C1orf185: variants seen among roughly 807,000 people sequenced by gnomAD.
The protein encoded by C1orf185 is uncharacterized protein C1orf185.
A neutral mutation model predicts 16.1 loss-of-function variants in C1orf185; 13 were observed. That is an observed-to-expected ratio of 0.81 (90% confidence interval 0.53 to 1.28). The LOEUF (loss-of-function observed/expected upper bound fraction) is 1.28, where lower values mean the gene tolerates loss of function less well. Among genes scored for constraint, C1orf185 ranks in the 50% most tolerant of loss-of-function variants. C1orf185 has a pLI of 0.00. For synonymous variants in C1orf185, 80 were observed against 76.9 expected (o/e 1.04, Z -0.21); for missense variants, 220 against 225.2 (o/e 0.98, Z 0.15).
intron 2 of C1orf185, among the ~76,000 whole-genome samples, chr1:51,117,251 T>A (rs1646164579): frequency 6.6e-6 from 1 of 152,222 alleles, no homozygotes; most frequent in Non-Finnish European, 1.5e-5. Flanking sequence ...TAACATAATA[T>A]GATCTCTTGA....
At chr1:51,121,923 G>A (rs930661878) in intron 3 of C1orf185, among the ~76,000 whole-genome samples, 5 of 151,972 alleles carry the variant, frequency 3.3e-5, no homozygotes, top group Non-Finnish European at 5.9e-5. Flanking sequence ...CTCCACTAAA[G>A]GAACCACTAT....
chr1:51,104,226 T>A (rs1646053627), intron 1 of C1orf185, among the ~76,000 whole-genome samples: 2 of 152,160 alleles, frequency 1.3e-5, no homozygotes, highest in Non-Finnish European at 1.5e-5. Flanking sequence ...AACCTAAGAA[T>A]GAAATCTGGC....
chr1:51,114,833 G>C (rs1477954603), intron 2 of C1orf185, among the ~76,000 whole-genome samples: 1 of 152,170 alleles, frequency 6.6e-6, no homozygotes. Context: ...GAAATGTACA[G>C]CTATCAGTTT....
chr1:51,124,131 G>A (rs1570304745), intron 3 of C1orf185, among the ~76,000 whole-genome samples: 1 of 149,426 alleles, frequency 6.7e-6, no homozygotes, highest in South Asian at 2.1e-4. Flanking sequence ...GCCCAGGCTG[G>A]AGTGCAGTGG....
chr1:51,122,097 C>G (rs1175446164), intron 3 of C1orf185, among the ~76,000 whole-genome samples: 1 of 152,072 alleles, frequency 6.6e-6, no homozygotes, highest in Non-Finnish European at 1.5e-5. Flanking sequence ...ATGTATGTAG[C>G]CATAGTTCAT....
At chr1:51,152,256 G>C (rs778368971), downstream of C1orf185, among the ~76,000 whole-genome samples, 61 of 152,190 alleles carry the variant, frequency 4.0e-4, no homozygotes, top group Non-Finnish European at 8.4e-4. Flanking sequence ...GGACAAACCA[G>C]AATCCACTGG....
At chr1:51,150,148 A>G (rs1646423644), downstream of C1orf185, among the ~76,000 whole-genome samples, 1 of 152,006 alleles carries the variant, frequency 6.6e-6, no homozygotes, top group Non-Finnish European at 1.5e-5. Context: ...ATTTATGCAT[A>G]TAAAGTAATT....
At position 51,135,416 on chromosome 1, in the gene C1orf185, G is replaced by C. The variant is rs569672475; in HGVS notation, c.259-10308G>C. Among the ~76,000 whole-genome samples, 262 of 152,272 alleles carry C rather than the reference G, an allele frequency of 1.7e-3. 1 individual carries two copies. Among genetic ancestry groups the C allele is most frequent in the African/African-American group, 6.1e-3 (253 of 41,556 alleles). On this transcript the variant is annotated intron_variant, in intron 3 of 4. Transcript: ENST00000371759. ...TAGCCGGGCGTGGTGGCACATGCCT[G>C]TAGTCCCAGCTACTCGGGAGGCTGA...
intron 4 of C1orf185, among the ~76,000 whole-genome samples, chr1:51,146,063 T>G (rs1302991377): frequency 6.6e-6 from 1 of 152,250 alleles, no homozygotes. Flanking sequence ...ATATTACATC[T>G]TAGTACCTCA....
intron 4 of C1orf185, 30 bp from the exon 5 acceptor site, chr1:51,147,437 A>T: frequency 4.1e-6 from 6 of 1,455,358 alleles, no homozygotes; most frequent in Non-Finnish European, 4.6e-6. Context: ...TTGTGAATAT[A>T]TAATATTCAT....
At chr1:51,123,827 T>A (rs780606306) in intron 3 of C1orf185, among the ~76,000 whole-genome samples, 1 of 152,154 alleles carries the variant, frequency 6.6e-6, no homozygotes, top group Non-Finnish European at 1.5e-5. Flanking sequence ...GTTCGATCTT[T>A]CATTCATTTT....
At chr1:51,105,629 A>G (rs924223176) in intron 1 of C1orf185, among the ~76,000 whole-genome samples, 1 of 152,214 alleles carries the variant, frequency 6.6e-6, no homozygotes, top group Admixed American at 6.5e-5. Flanking sequence ...GACAGACAAC[A>G]GACAATAAAC....
intron 2 of C1orf185, among the ~76,000 whole-genome samples, chr1:51,118,264 A>T (rs749333804): frequency 2.9e-4 from 44 of 152,228 alleles, no homozygotes; most frequent in Non-Finnish European, 4.9e-4. Flanking sequence ...AAAATTGACC[A>T]ATGAGTTGCA....
intron 1 of C1orf185, among the ~76,000 whole-genome samples, chr1:51,107,573 C>CTT (rs200493028): frequency 6.6e-6 from 1 of 151,926 alleles, no homozygotes; most frequent in Non-Finnish European, 1.5e-5. Context: ...ATAGAACTTG[C>CTT]TTTTTTTGTA....
At position 51,110,615 on chromosome 1, in the gene C1orf185, C is replaced by T. The variant is rs1017579691; in HGVS notation, c.17-1849C>T. ...AATTAGTTTTATACTCAATCTTTTC[C>T]CAAAATAATATACTCCTCAGTTGTC... is the stretch of plus-strand genomic sequence containing the variant. On this transcript the variant is annotated intron_variant, in intron 1 of 4. Coordinates refer to ENST00000371759, the MANE Select transcript of C1orf185 (RefSeq NM_001136508.2). Among the ~76,000 whole-genome samples, 12 of 152,018 alleles carry T rather than the reference C, an allele frequency of 7.9e-5. No individual in the cohort carries two copies. The East Asian group carries it at 2.3e-3, about 29-fold the overall frequency.
intron 1 of C1orf185, 21 bp from the exon 2 acceptor site, chr1:51,112,442 CT>C: frequency 6.7e-7 from 1 of 1,497,174 alleles, no homozygotes. Context: ...ATGAAATAAT[CT>C]TTTGTAATTT....
chr1:51,118,941 A>G (rs995361137), intron 3 of C1orf185, 140 bp downstream of exon 3: 7 of 637,058 alleles, frequency 1.1e-5, no homozygotes, highest in Non-Finnish European at 1.7e-5. Flanking sequence ...TAGAGTTTAT[A>G]CTATAGGAAA....
chr1:51,113,405 C>T (rs937223986), intron 2 of C1orf185, among the ~76,000 whole-genome samples: 12 of 151,560 alleles, frequency 7.9e-5, no homozygotes, highest in Admixed American at 6.6e-4. Flanking sequence ...CATTTCAGGC[C>T]GGGTGCCGTG....
intron 1 of C1orf185, chr1:51,102,523 A>G (rs1646040017): frequency 4.3e-6 from 1 of 233,888 alleles, no homozygotes; most frequent in Non-Finnish European, 8.3e-6. Context: ...CTTTTTAGGT[A>G]TATATTATTT....
Sources: allele counts gnomAD v4.1 joint callset (sites outside exome capture counted in the v4.1 genomes callset), GRCh38; gene constraint gnomAD v4.1.1; transcripts MANE v1.5; gene names NCBI Gene and HGNC (gene_info 2026-07-23, HGNC 2026-07-21).